SLA: variants seen among roughly 807,000 people sequenced by gnomAD.
SLA encodes the protein src-like-adapter.
A neutral mutation model predicts 30.3 loss-of-function variants in SLA; 16 were observed. That is an observed-to-expected ratio of 0.53 (90% CI 0.36 to 0.80). The LOEUF (loss-of-function observed/expected upper bound fraction) is 0.80. Among genes scored for constraint, SLA ranks in the 30% least tolerant of loss-of-function variants. The pLI, the probability that SLA is intolerant of heterozygous loss-of-function variation, is 0.01. For missense variants in SLA, 310 were observed against 345.2 expected, an observed-to-expected ratio of 0.90 and a Z score of 0.81; for synonymous variants, 143 against 137.8, an observed-to-expected ratio of 1.04 and a Z score of -0.26.
chr8:133,066,316 A>G (rs1843028184), intron 2 of SLA, among the ~76,000 whole-genome samples: 1 of 106,484 alleles, frequency 9.4e-6, no homozygotes, highest in Non-Finnish European at 1.8e-5. Context: ...ACAGAGCGAG[A>G]CTCTGTCTCA....
Position 133,038,509 on chromosome 8 carries a change from T to TG in SLA, c.*14dup, listed in dbSNP as rs1464484438. ...TCTGTTCCTTTTGGGCATGAACCAT[T>TG]GTGTCTGTTCTTGGCTAGTCCTCAA... On this transcript the variant is annotated 3_prime_UTR_variant, in exon 9 of 9. Transcript: ENST00000338087. 1 of 1,580,638 alleles carries TG rather than the reference T, an allele frequency of 6.3e-7. No homozygotes were observed. The highest frequency in any genetic ancestry group is 8.7e-7 in the Non-Finnish European group (1 of 1,149,524).
chr8:133,101,096 G>A (rs1404505839), intron 1 of SLA, among the ~76,000 whole-genome samples: 1 of 152,068 alleles, frequency 6.6e-6, no homozygotes, highest in African/African-American at 2.4e-5. Flanking sequence ...GAGGGTGGCG[G>A]GTGGCAGGCT....
intron 1 of SLA, among the ~76,000 whole-genome samples, chr8:133,094,084 G>A (rs1848023048): frequency 6.6e-6 from 1 of 152,018 alleles, no homozygotes; most frequent in Non-Finnish European, 1.5e-5. Context: ...CCCCATAGCG[G>A]ATGCACCCTG....
chr8:133,072,640 C>G (rs566475196), intron 2 of SLA, among the ~76,000 whole-genome samples: 4 of 152,306 alleles, frequency 2.6e-5, no homozygotes, highest in African/African-American at 7.2e-5. Flanking sequence ...ACATAAAACC[C>G]AGCAGCATCT....
intron 1 of SLA, among the ~76,000 whole-genome samples, chr8:133,091,435 A>G (rs1291252755): frequency 1.3e-5 from 2 of 151,820 alleles, no homozygotes; most frequent in African/African-American, 4.8e-5. Context: ...GAGCTGCCAG[A>G]CCTCCTGCTT....
chr8:133,102,450 A>C, intron 1 of SLA, 103 bp downstream of exon 1: 1 of 1,017,578 alleles, frequency 9.8e-7, no homozygotes, highest in Non-Finnish European at 1.5e-6. Context: ...GAGGGTGGGT[A>C]CAGGATCCAT....
intron 2 of SLA, among the ~76,000 whole-genome samples, chr8:133,066,876 G>T (rs1231048983): frequency 6.6e-6 from 1 of 152,192 alleles, no homozygotes; most frequent in Non-Finnish European, 1.5e-5. Flanking sequence ...TGCAGGGGCT[G>T]GGGGGTTGGC....
intron 2 of SLA, among the ~76,000 whole-genome samples, chr8:133,061,741 C>T (rs796618353): frequency 2.6e-5 from 4 of 152,170 alleles, no homozygotes; most frequent in African/African-American, 9.7e-5. Context: ...GCACAAAAGT[C>T]AGCCCATCCA....
Position 133,050,868 on chromosome 8 carries a change from C to T in SLA, c.109G>A (p.Asp37Asn). The change falls in exon 4 of 9, where the codon GAC (aspartate) becomes AAC (asparagine). Residue 37 changes from aspartate (D) to asparagine (N), a missense_variant. Physicochemically the swap from Asp to Asn is conservative, Grantham distance 23. Coordinates refer to ENST00000338087, the MANE Select transcript of SLA (RefSeq NM_001045556.3). ...CGGCGGAATATCGGGGGGCTGATGT[C>T]AGGAGACGGGTAGTCACTTAGCACG... Reference protein sequence around the residue: ...LAVLSDYPSPDISPPIFRRGE... With the variant: ...LAVLSDYPSPNISPPIFRRGE... 6.2e-7 allele frequency: 1 copy of T among 1,614,002 alleles called. No homozygotes were observed. Among genetic ancestry groups the T allele is most frequent in the Non-Finnish European group, 8.5e-7 (1 of 1,179,902 alleles).
At chr8:133,075,849 A>C (rs1384516844) in intron 1 of SLA, among the ~76,000 whole-genome samples, 1 of 152,168 alleles carries the variant, frequency 6.6e-6, no homozygotes, top group Non-Finnish European at 1.5e-5. Context: ...ATACTTGGTG[A>C]GCCTAGGTGA....
chr8:133,037,547 A>G lies in SLA; in HGVS notation c.*977T>C, dbSNP rs1336178418. 1 of 152,056 alleles carries G rather than the reference A, an allele frequency of 6.6e-6. No individual in the cohort carries two copies. The highest frequency in any genetic ancestry group is 2.4e-5 in the African/African-American group (1 of 41,398). 9.4% of individuals were successfully genotyped at this position (152,056 alleles called of 1,614,324 possible). ...CCTGTCTCTAATTCCATCCTAAGCC[A>G]TGAGCTGATTTCTCTTTTTACACAT... On this transcript the variant is annotated 3_prime_UTR_variant, in exon 9 of 9. Transcript: ENST00000338087.
chr8:133,090,249 G>T (rs533990854), intron 1 of SLA: 1 of 152,354 alleles, frequency 6.6e-6, no homozygotes, highest in East Asian at 1.9e-4. Flanking sequence ...GTGGTCTGGT[G>T]AGGGCTTAGA....
At chr8:133,095,297 C>G (rs1848236451) in intron 1 of SLA, 1 of 1,566,050 alleles carries the variant, frequency 6.4e-7, no homozygotes, top group African/African-American at 1.4e-5. Flanking sequence ...GTCACCCACC[C>G]CAGCCATACC....
rs1313162870 is a variant in SLA, at chr8:133,037,299, T to A, written c.*1225A>T. ...TTTTCTCCCTTGTCTCTTAAAATTA[T>A]GCATGACATCATTAATCCACTTGGA... On this transcript the variant is annotated 3_prime_UTR_variant, in exon 9 of 9. Transcript: ENST00000338087. 1 of 152,256 alleles carries A rather than the reference T, an allele frequency of 6.6e-6. No homozygotes were observed. The highest frequency in any genetic ancestry group is 2.4e-5 in the African/African-American group (1 of 41,474). The allele number at this position is 152,256 out of a possible 1,614,324, so 9.4% of individuals were successfully genotyped here.
intron 2 of SLA, among the ~76,000 whole-genome samples, chr8:133,062,420 C>T (rs1008992169): frequency 1.3e-5 from 2 of 152,240 alleles, no homozygotes; most frequent in Non-Finnish European, 2.9e-5. Flanking sequence ...CAGCAGGTGG[C>T]GTGACTCCAA....
At chr8:133,059,996 C>T in intron 3 of SLA, 104 bp downstream of exon 3, 1 of 1,138,456 alleles carries the variant, frequency 8.8e-7, no homozygotes, top group Non-Finnish European at 1.2e-6. Flanking sequence ...CCTTCGGTAC[C>T]CATTGCCCCA....
chr8:133,068,363 G>A (rs1317008205), intron 2 of SLA, among the ~76,000 whole-genome samples: 2 of 152,220 alleles, frequency 1.3e-5, no homozygotes, highest in Non-Finnish European at 2.9e-5. Flanking sequence ...GGCTAACAGA[G>A]AGGCTGGGCT....
chr8:133,038,486 T>C lies in SLA; in HGVS notation c.*38A>G. On this transcript the variant is annotated 3_prime_UTR_variant, in exon 9 of 9. Transcript: ENST00000338087. ...GATCCCAGGCAATAGTTGGAACTTC[T>C]GTTCCTTTTGGGCATGAACCATTGT... 1 of 1,480,478 alleles carries C rather than the reference T, an allele frequency of 6.8e-7. No homozygotes were observed. The highest frequency in any genetic ancestry group is 9.4e-7 in the Non-Finnish European group (1 of 1,058,328). 91.7% of individuals were successfully genotyped at this position (1,480,478 alleles called of 1,614,324 possible).
At chr8:133,081,682 T>C (rs534326373) in intron 1 of SLA, among the ~76,000 whole-genome samples, 4 of 152,276 alleles carry the variant, frequency 2.6e-5, no homozygotes, top group Admixed American at 1.3e-4. Context: ...TCTTCTGTCA[T>C]TGCTCAACCT....
Sources: gnomAD v4.1 joint callset for allele counts (sites outside exome capture counted in the v4.1 genomes callset) on GRCh38, gnomAD v4.1.1 for gene constraint, MANE v1.5 for transcripts, NCBI Gene and HGNC (gene_info 2026-07-23, HGNC 2026-07-21) for gene names.